The following WDHD1 variants were observed in gnomAD, a reference collection of about 807,000 sequenced individuals.
WDHD1 encodes the protein WD repeat and HMG-box DNA-binding protein 1.
In WDHD1, 111 loss-of-function variants were observed where a neutral mutation model predicts 135.4. That is an observed-to-expected ratio of 0.82 (90% CI 0.70 to 0.96). WDHD1 has a LOEUF of 0.96. Among genes scored for constraint, WDHD1 ranks in the 40% least tolerant of loss-of-function variants. WDHD1 has a pLI of 0.00. For missense variants in WDHD1, 1,351 were observed against 1,336.3 expected, an observed-to-expected ratio of 1.01 and a Z score of -0.17; for synonymous variants, 434 against 439.0, an observed-to-expected ratio of 0.99 and a Z score of 0.14.
intron 21 of WDHD1, 150 bp downstream of exon 21, chr14:54,962,348 C>A (rs959049678): frequency 1.5e-6 from 1 of 682,170 alleles, no homozygotes. Context: ...CATAGCTTCA[C>A]AAACAACATC....
At chr14:54,979,913 A>G (rs1401327334) in intron 16 of WDHD1, among the ~76,000 whole-genome samples, 1 of 152,200 alleles carries the variant, frequency 6.6e-6, no homozygotes, top group African/African-American at 2.4e-5. Context: ...CACTTAACAC[A>G]TCTTGCAGAT....
At chr14:54,955,929 A>T (rs1322762175) in intron 23 of WDHD1, among the ~76,000 whole-genome samples, 3 of 120,802 alleles carry the variant, frequency 2.5e-5, no homozygotes, top group Non-Finnish European at 4.8e-5. Context: ...ACGGAGTCTC[A>T]CTCTGTTGCC....
intron 24 of WDHD1, among the ~76,000 whole-genome samples, chr14:54,947,953 C>T (rs567899826): frequency 1.3e-5 from 2 of 151,732 alleles, no homozygotes; most frequent in African/African-American, 2.4e-5. Flanking sequence ...TGGTGGCTCA[C>T]ACCTGTAATT....
At chr14:54,958,369 C>T (rs1027169993) in intron 21 of WDHD1, among the ~76,000 whole-genome samples, 5 of 152,274 alleles carry the variant, frequency 3.3e-5, no homozygotes, top group Non-Finnish European at 7.4e-5. Context: ...TCAGGTGATC[C>T]GTCTGCCTTG....
At chr14:55,019,324 T>C (rs1275856604) in intron 2 of WDHD1, among the ~76,000 whole-genome samples, 1 of 152,216 alleles carries the variant, frequency 6.6e-6, no homozygotes, top group Non-Finnish European at 1.5e-5. Flanking sequence ...TTAGGTAAAC[T>C]GGGTAAGTTG....
At chr14:55,013,944 G>C (rs1042973000) in intron 2 of WDHD1, among the ~76,000 whole-genome samples, 1 of 151,938 alleles carries the variant, frequency 6.6e-6, no homozygotes, top group Non-Finnish European at 1.5e-5. Flanking sequence ...ATATACATTA[G>C]TTTTTTGGAA....
At chr14:55,020,716 C>T (rs1160709513) in intron 2 of WDHD1, among the ~76,000 whole-genome samples, 2 of 152,130 alleles carry the variant, frequency 1.3e-5, no homozygotes, top group Admixed American at 1.3e-4. Context: ...TTACAGGTTC[C>T]AACCCCTAAA....
chr14:54,950,093 C>T (rs2041016356), intron 24 of WDHD1, among the ~76,000 whole-genome samples: 1 of 152,176 alleles, frequency 6.6e-6, no homozygotes, highest in Admixed American at 6.5e-5. Flanking sequence ...AATTAATGAG[C>T]AAAGTAACCA....
intron 23 of WDHD1, among the ~76,000 whole-genome samples, chr14:54,956,712 G>T (rs548163709): frequency 6.6e-6 from 1 of 152,144 alleles, no homozygotes; most frequent in African/African-American, 2.4e-5. Flanking sequence ...AACAACTCAC[G>T]AGGCAGAATA....
At chr14:54,955,157 A>T (rs1324677336) in intron 24 of WDHD1, among the ~76,000 whole-genome samples, 1 of 152,252 alleles carries the variant, frequency 6.6e-6, no homozygotes, top group Non-Finnish European at 1.5e-5. Context: ...CATAAATAGA[A>T]TAATTTTGGA....
At chr14:55,005,437 C>CA in intron 7 of WDHD1, 1 of 569,376 alleles carries the variant, frequency 1.8e-6, no homozygotes, top group Non-Finnish European at 3.4e-6. Flanking sequence ...GCATGGCCTT[C>CA]GGACCAGTAT....
chr14:55,023,083 G>A (rs990051743), intron 2 of WDHD1, among the ~76,000 whole-genome samples: 2 of 151,934 alleles, frequency 1.3e-5, no homozygotes, highest in Non-Finnish European at 2.9e-5. Context: ...CAAAATGCTG[G>A]GATTACAGGT....
At position 54,972,589 on chromosome 14, in the gene WDHD1, AAT is replaced by A. The variant is rs1491005512; in HGVS notation, c.2064-5197_2064-5196del. Among the ~76,000 whole-genome samples the A allele has an allele frequency of 2.5e-3, 189 of 76,900 alleles. 29 individuals carry two copies. Among genetic ancestry groups the A allele is most frequent in the African/African-American group, 7.7e-3 (73 of 9,498 alleles). 50.4% of individuals were successfully genotyped at this position (76,900 alleles called of 152,430 possible). On this transcript the variant is annotated intron_variant, in intron 16 of 25. Transcript: ENST00000360586. ...AAAAAAAAAAAAAAAAAAAAAAAAA[AAT>A]GCCAATGAGGCATATTCACTTTCAT...
At chr14:54,982,089 C>T (rs1411165666) in intron 15 of WDHD1, among the ~76,000 whole-genome samples, 2 of 151,968 alleles carry the variant, frequency 1.3e-5, no homozygotes, top group Non-Finnish European at 2.9e-5. Context: ...CCACTGCAAG[C>T]TCCGCCTTCC....
Position 55,012,734 on chromosome 14 carries a change from G to A in WDHD1, c.189+751C>T, listed in dbSNP as rs554771022. Among the ~76,000 whole-genome samples the A allele has an allele frequency of 1.1e-4, 16 of 152,188 alleles. No individual in the cohort carries two copies. The South Asian group carries it at 3.3e-3, about 32-fold the overall frequency. ...TCCCATCTTGGAAAGGTAAAGAGAG[G>A]GCGAGAGGGAGAGCAAGAGGATCAA... On this transcript the variant is annotated intron_variant, in intron 3 of 25. Transcript: ENST00000360586.
In WDHD1 at chr14:55,022,744, T is replaced by C. The variant is rs112519613; in HGVS notation, c.77+3967A>G. ...GGCAGATGTCCTTTCTCCTCAATGATTTTCGTAATGGTGTCTGGGAATCTG... is the reference window on the plus strand; with the variant it reads ...GGCAGATGTCCTTTCTCCTCAATGACTTTCGTAATGGTGTCTGGGAATCTG... On this transcript the variant is annotated intron_variant, in intron 2 of 25. Coordinates refer to ENST00000360586, the MANE Select transcript of WDHD1 (RefSeq NM_007086.4). Among the ~76,000 whole-genome samples the C allele has an allele frequency of 7.2e-5, 11 of 151,946 alleles. 1 individual carries two copies. The highest frequency in any genetic ancestry group is 2.4e-4 in the African/African-American group (10 of 41,422).
At chr14:54,999,599 TTTTTTA>T (rs1436381523) in intron 10 of WDHD1, among the ~76,000 whole-genome samples, 2 of 152,168 alleles carry the variant, frequency 1.3e-5, no homozygotes, top group South Asian at 2.1e-4. Context: ...TAGCCTCCAC[TTTTTTA>T]TTTTTATTTT....
At chr14:54,958,021 A>G (rs1566710470) in intron 21 of WDHD1, among the ~76,000 whole-genome samples, 3 of 152,038 alleles carry the variant, frequency 2.0e-5, no homozygotes, top group South Asian at 4.2e-4. Flanking sequence ...ACTTTTCCCT[A>G]TTTATTGGCC....
At chr14:54,955,721 A>G (rs754073042) in intron 23 of WDHD1, 27 bp from the exon 24 acceptor site, 5 of 1,485,476 alleles carry the variant, frequency 3.4e-6, no homozygotes, top group East Asian at 5.1e-5. Context: ...GAATACTGCA[A>G]TAACATCTAG....
Sources: gnomAD v4.1 joint callset for allele counts (sites outside exome capture counted in the v4.1 genomes callset) on GRCh38, gnomAD v4.1.1 for gene constraint, MANE v1.5 for transcripts, NCBI Gene and HGNC (gene_info 2026-07-23, HGNC 2026-07-21) for gene names.